MGAM: variants seen among roughly 807,000 people sequenced by gnomAD.
The protein encoded by MGAM is alpha-1,4-glucosidase.
Under a neutral mutation model 358.8 loss-of-function variants are expected in MGAM, and 253 were observed. The observed-to-expected ratio is 0.71, with a 90% CI of 0.64 to 0.78. The LOEUF is 0.78. MGAM is among the 30% of genes least tolerant of loss of function. The pLI is 0.00. For synonymous variants in MGAM, 1,105 were observed against 1,227.1 expected, an observed-to-expected ratio of 0.90 and a Z score of 2.08; for missense variants, 3,080 against 3,432.6, an observed-to-expected ratio of 0.90 and a Z score of 2.57.
At chr7:142,072,236 C>T (rs1236234317) in intron 44 of MGAM, among the ~76,000 whole-genome samples, 1 of 146,032 alleles carries the variant, frequency 6.8e-6, no homozygotes, top group African/African-American at 2.4e-5. Flanking sequence ...TTATCTCCTG[C>T]CATACCTCCA....
chr7:142,052,167 AT>A (rs1183398453), intron 24 of MGAM, 126 bp from the exon 25 acceptor site: 7 of 791,952 alleles, frequency 8.8e-6, no homozygotes, highest in Non-Finnish European at 1.4e-5. Context: ...AGCTAAAGTC[AT>A]ATGTTGCTTG....
intron 29 of MGAM, 107 bp downstream of exon 29, chr7:142,056,203 A>T: frequency 1.0e-6 from 1 of 985,724 alleles, no homozygotes; most frequent in South Asian, 1.5e-5. Flanking sequence ...TCTTCATTTT[A>T]CGGGCACTGC....
chr7:142,046,868 A>G (rs1212448520), intron 21 of MGAM, among the ~76,000 whole-genome samples: 1 of 152,024 alleles, frequency 6.6e-6, no homozygotes, highest in Non-Finnish European at 1.5e-5. Flanking sequence ...TTTTTAATGA[A>G]TGTGCCTATT....
chr7:142,021,091 T>G lies in MGAM; in HGVS notation c.558+8T>G. 6.4e-7 allele frequency: 1 copy of G among 1,574,472 alleles called. No homozygotes were observed. On this transcript the variant is annotated splice_region_variant and intron_variant, in intron 5 of 70. Coordinates refer to ENST00000475668, the MANE Select transcript of MGAM (RefSeq NM_001365693.1). ...AATCGTTTCCACTTTAAGGTTGTAATTTGTTTATTTTTTTTTAAGTTTTTT... is the reference window on the plus strand; with the variant it reads ...AATCGTTTCCACTTTAAGGTTGTAAGTTGTTTATTTTTTTTTAAGTTTTTT...
chr7:142,008,418 G>C, intron 2 of MGAM, 88 bp from the exon 3 acceptor site: 1 of 1,374,130 alleles, frequency 7.3e-7, no homozygotes, highest in Admixed American at 2.4e-5. Context: ...CTACTCAGTA[G>C]TGGAGTTAAT....
chr7:142,090,644 C>A (rs1361065934), intron 57 of MGAM, among the ~76,000 whole-genome samples: 1 of 145,856 alleles, frequency 6.9e-6, no homozygotes, highest in Non-Finnish European at 1.6e-5. Context: ...TGTGTAAGAA[C>A]TGGAGTTCCC....
rs1476124682 is a variant in MGAM, at chr7:142,044,230, A to AATATATG, written c.2498+3390_2498+3391insGATATAT. On this transcript the variant is annotated intron_variant, in intron 21 of 70. Transcript: ENST00000475668. ...TACATTATATACACATACGACATAT[A>AATATATG]ATATATACATTATATACACATACGA... is the stretch of plus-strand genomic sequence containing the variant. 2.5e-3 allele frequency among the ~76,000 whole-genome samples: 342 copies of AATATATG among 138,250 alleles called. 33 individuals carry two copies. In the Middle Eastern group the frequency reaches 0.026, roughly 10 times the overall value. 90.7% of individuals were successfully genotyped at this position (138,250 alleles called of 152,430 possible). A position where few individuals can be genotyped will look rare whatever the true frequency, so the allele number is the denominator to read the frequency against.
intron 1 of MGAM, among the ~76,000 whole-genome samples, chr7:142,004,896 A>G (rs1368140743): frequency 6.6e-6 from 1 of 152,082 alleles, no homozygotes; most frequent in Non-Finnish European, 1.5e-5. Context: ...GGAAGATGCT[A>G]TATCATCTAT....
At position 142,050,788 on chromosome 7, in the gene MGAM, C is replaced by G; in HGVS notation, c.2729C>G (p.Pro910Arg). 1.2e-6 allele frequency: 2 copies of G among 1,613,800 alleles called. No individual in the cohort carries two copies. The highest frequency in any genetic ancestry group is 1.1e-5 in the South Asian group (1 of 91,068). ...NEIKILGTEE[P>R]SNVTVKHNGV... ...ATTAAAATTCTTGGGACGGAGGAAC[C>G]TAGCAATGTTACAGTGAAACACAAT... The change falls in exon 24 of 71, where the codon CCT (proline) becomes CGT (arginine). Residue 910 changes from proline to arginine, a missense_variant. Around this residue, in one of 5 missense-constraint regions of MGAM, gnomAD observed 1,816 missense variants for 1,840.5 expected, o/e 0.99. Transcript: ENST00000475668.
At chr7:142,101,326 A>G (rs1816425888) in intron 68 of MGAM, among the ~76,000 whole-genome samples, 1 of 151,912 alleles carries the variant, frequency 6.6e-6, no homozygotes, top group South Asian at 2.1e-4. Flanking sequence ...GGATTGCTCA[A>G]GAAATTATTA....
At chr7:142,000,269 G>C (rs1260704912) in intron 1 of MGAM, among the ~76,000 whole-genome samples, 1 of 152,174 alleles carries the variant, frequency 6.6e-6, no homozygotes, top group Non-Finnish European at 1.5e-5. Context: ...GTGAAGGCTT[G>C]AATAGGGGTA....
chr7:142,085,765 G>A (rs1814688152), intron 54 of MGAM, 68 bp from the exon 55 acceptor site: 1 of 1,488,948 alleles, frequency 6.7e-7, no homozygotes, highest in African/African-American at 1.4e-5. Flanking sequence ...GGGTGGTGGA[G>A]GCTTGTTCTC....
At chr7:142,097,689 TAG>T (rs1036387660) in intron 66 of MGAM, 40 bp downstream of exon 66, 1 of 1,560,146 alleles carries the variant, frequency 6.4e-7, no homozygotes, top group African/African-American at 1.4e-5. Flanking sequence ...GGGAAAATGG[TAG>T]AGAGTACAAA....
intron 7 of MGAM, among the ~76,000 whole-genome samples, chr7:142,022,853 T>C (rs1209042005): frequency 6.6e-6 from 1 of 152,194 alleles, no homozygotes; most frequent in Non-Finnish European, 1.5e-5. Flanking sequence ...AATCACTGAC[T>C]CACCAGGTTT....
rs1271412575 is a variant in MGAM, at chr7:142,083,281, G to A, written c.6269-20G>A. 2.0e-6 allele frequency: 3 copies of A among 1,510,854 alleles called. No individual in the cohort carries two copies. The highest frequency in any genetic ancestry group is 1.3e-5 in the African/African-American group (1 of 74,348). 93.6% of individuals were successfully genotyped at this position (1,510,854 alleles called of 1,614,324 possible). A position where few individuals can be genotyped will look rare whatever the true frequency, so the allele number is the denominator to read the frequency against. On this transcript the variant is annotated intron_variant, in intron 52 of 70. Coordinates refer to ENST00000475668, the MANE Select transcript of MGAM (RefSeq NM_001365693.1). ...ACGTGGAAAGTTTCCAGCTTGATTA[G>A]CATTTTTCTTCATTTTCAGATGTGA...
chr7:142,105,792 C>G lies in MGAM; in HGVS notation c.8185-22C>G, dbSNP rs373094353. On this transcript the variant is annotated intron_variant, in intron 70 of 70. Coordinates refer to ENST00000475668, the MANE Select transcript of MGAM (RefSeq NM_001365693.1). The stretch of plus-strand genomic sequence containing the variant: ...AAATTTCAACACCGGATGCCCAATT[C>G]TTTTCCTTTGGTTCCTAACAGGTAT... 8.8e-6 allele frequency: 14 copies of G among 1,598,652 alleles called. No homozygotes were observed. In the African/African-American group the frequency reaches 1.9e-4, roughly 21 times the overall value.
At chr7:142,049,576 A>G (rs1348608264) in intron 22 of MGAM, among the ~76,000 whole-genome samples, 5 of 152,220 alleles carry the variant, frequency 3.3e-5, no homozygotes, top group East Asian at 1.9e-4. Context: ...ATATAAAAAA[A>G]TAAGGAACTC....
In MGAM at chr7:142,085,822, T is replaced by C. The variant is rs1415792350; in HGVS notation, c.6508-11T>C. ...AGCAGCAGCCTCTCAGCTCCCCATG[T>C]CCTCCCGCAGGACGTGCAGTACTCA... On this transcript the variant is annotated splice_polypyrimidine_tract_variant and intron_variant, in intron 54 of 70. Coordinates refer to ENST00000475668, the MANE Select transcript of MGAM (RefSeq NM_001365693.1). 1.3e-6 allele frequency: 2 copies of C among 1,562,686 alleles called. No homozygotes were observed. The highest frequency in any genetic ancestry group is 1.8e-6 in the Non-Finnish European group (2 of 1,139,360).
chr7:142,021,935 CTT>C (rs1319123848), intron 6 of MGAM, among the ~76,000 whole-genome samples, 198 bp downstream of exon 6: 1 of 151,900 alleles, frequency 6.6e-6, no homozygotes, highest in Non-Finnish European at 1.5e-5. Context: ...ATTTTTTTCT[CTT>C]TATTTTTCCC....
Sources: allele counts gnomAD v4.1 joint callset (sites outside exome capture counted in the v4.1 genomes callset), GRCh38; gene constraint gnomAD v4.1.1; regional missense constraint gnomAD v4.1.1; transcripts MANE v1.5; gene names NCBI Gene and HGNC (gene_info 2026-07-23, HGNC 2026-07-21).